Variants in SLC41A2 observed in about 807,000 individuals in gnomAD.
SLC41A2 encodes solute carrier family 41 member 2, also known as SLC41A1-like 1.
In SLC41A2, 32 loss-of-function variants were observed where a neutral mutation model predicts 58.3. The observed-to-expected ratio is 0.55, with a 90% CI of 0.41 to 0.74. The LOEUF (loss-of-function observed/expected upper bound fraction) is 0.74, where lower values mean the gene tolerates loss of function less well. Ranked by LOEUF, SLC41A2 falls within the 30% of genes least tolerant of loss-of-function variation. The probability of loss-of-function intolerance (pLI) is 0.00; values close to 1 mark genes in which losing one functional copy is unlikely to be tolerated. For synonymous variants in SLC41A2, 190 were observed against 235.0 expected, an observed-to-expected ratio of 0.81 and a Z score of 1.75; for missense variants, 514 against 680.6, an observed-to-expected ratio of 0.76 and a Z score of 2.72.
chr12:104,805,427 A>G, intron 10 of SLC41A2, 90 bp from the exon 11 acceptor site: 1 of 1,055,818 alleles, frequency 9.5e-7, no homozygotes. Flanking sequence ...GGCTTCTGGA[A>G]GGGACCGTAT....
At chr12:104,883,826 T>C (rs2044511974) in intron 6 of SLC41A2, among the ~76,000 whole-genome samples, 1 of 152,206 alleles carries the variant, frequency 6.6e-6, no homozygotes, top group African/African-American at 2.4e-5. Context: ...AGTCTGTCCG[T>C]TCTCAGATCT....
chr12:104,884,172 T>C (rs1449843025), intron 6 of SLC41A2, among the ~76,000 whole-genome samples: 5 of 152,226 alleles, frequency 3.3e-5, no homozygotes, highest in Non-Finnish European at 7.3e-5. Flanking sequence ...AATCTCCTGG[T>C]GTGCTGTTTG....
At chr12:104,952,545 C>G (rs770000390) in intron 1 of SLC41A2, among the ~76,000 whole-genome samples, 1 of 152,056 alleles carries the variant, frequency 6.6e-6, no homozygotes, top group Non-Finnish European at 1.5e-5. Context: ...TAATCAGGCC[C>G]CGATTAGAAC....
intron 2 of SLC41A2, among the ~76,000 whole-genome samples, chr12:104,914,550 T>A (rs1298555365): frequency 6.6e-6 from 1 of 152,218 alleles, no homozygotes; most frequent in Admixed American, 6.5e-5. Context: ...GAGCTAGTAG[T>A]CTACAGTGCA....
chr12:104,845,913 A>G lies in SLC41A2; in HGVS notation c.1317T>C (p.His439=), dbSNP rs1269045688. 1.2e-6 allele frequency: 2 copies of G among 1,613,976 alleles called. No individual in the cohort carries two copies. Among genetic ancestry groups the G allele is most frequent in the Admixed American group, 1.7e-5 (1 of 60,024 alleles). ...CATCAGGCAATTCTCCTGGAATGCTATGTAAATGGAGGTAGGTAGAAATCC... is the reference window on the plus strand; with the variant it reads ...CATCAGGCAATTCTCCTGGAATGCTGTGTAAATGGAGGTAGGTAGAAATCC... ...ASRISTYLHL[H]SIPGELPDEP... Residue 439 remains histidine, a synonymous_variant, in exon 9 of 11, where the codon CAT becomes CAC. Transcript: ENST00000258538.
intron 2 of SLC41A2, among the ~76,000 whole-genome samples, chr12:104,916,460 T>C (rs1358694221): frequency 6.6e-6 from 1 of 152,092 alleles, no homozygotes; most frequent in Non-Finnish European, 1.5e-5. Flanking sequence ...CTTCACAGAA[T>C]TGGAAAAAAC....
chr12:104,892,636 AC>A (rs2045067547), intron 4 of SLC41A2, among the ~76,000 whole-genome samples: 1 of 152,202 alleles, frequency 6.6e-6, no homozygotes, highest in Admixed American at 6.5e-5. Flanking sequence ...TAACCAAAAG[AC>A]AGTACTGGCA....
intron 6 of SLC41A2, among the ~76,000 whole-genome samples, chr12:104,870,992 A>G (rs1480854178): frequency 6.6e-6 from 1 of 152,174 alleles, no homozygotes; most frequent in Non-Finnish European, 1.5e-5. Flanking sequence ...ATAAATTTAG[A>G]TTCTACTCAC....
At chr12:104,810,470 A>AT (rs2041124754) in intron 10 of SLC41A2, among the ~76,000 whole-genome samples, 1 of 152,196 alleles carries the variant, frequency 6.6e-6, no homozygotes, top group Admixed American at 6.5e-5. Flanking sequence ...ACACAGATTT[A>AT]TATATTATAT....
intron 10 of SLC41A2, among the ~76,000 whole-genome samples, chr12:104,837,831 T>C (rs572558165): frequency 1.1e-4 from 16 of 152,188 alleles, no homozygotes; most frequent in Non-Finnish European, 2.2e-4. Flanking sequence ...AAGTACTTTA[T>C]ATATATTTTC....
At chr12:104,956,433 C>G (rs2136002256) in intron 1 of SLC41A2, among the ~76,000 whole-genome samples, 1 of 152,298 alleles carries the variant, frequency 6.6e-6, no homozygotes, top group Non-Finnish European at 1.5e-5. Flanking sequence ...AATCCCAGCA[C>G]TTTGGGAAGC....
chr12:104,884,842 G>C (rs1482289427), intron 6 of SLC41A2, among the ~76,000 whole-genome samples: 2 of 152,226 alleles, frequency 1.3e-5, no homozygotes, highest in Non-Finnish European at 2.9e-5. Flanking sequence ...GTCTGGCTGA[G>C]AGTGTGTGGG....
intron 8 of SLC41A2, among the ~76,000 whole-genome samples, chr12:104,846,710 GGCT>G (rs1430160183): frequency 6.6e-6 from 1 of 152,194 alleles, no homozygotes; most frequent in Non-Finnish European, 1.5e-5. Flanking sequence ...AAGCCTTCCA[GGCT>G]GCAGGCATAC....
At chr12:104,817,993 C>CA (rs1156819961) in intron 10 of SLC41A2, among the ~76,000 whole-genome samples, 2 of 151,954 alleles carry the variant, frequency 1.3e-5, no homozygotes, top group Admixed American at 6.6e-5. Context: ...GTTCTCATCA[C>CA]AAAAAAATGA....
chr12:104,940,182 T>G (rs1288526315), intron 1 of SLC41A2, among the ~76,000 whole-genome samples: 2 of 151,954 alleles, frequency 1.3e-5, no homozygotes, highest in African/African-American at 4.8e-5. Context: ...CCGGCTAATT[T>G]TGTATTTTTA....
chr12:104,880,503 T>A (rs2044308937), intron 6 of SLC41A2, among the ~76,000 whole-genome samples: 1 of 152,174 alleles, frequency 6.6e-6, no homozygotes, highest in Non-Finnish European at 1.5e-5. Flanking sequence ...AATACCTAGT[T>A]TATTGAGAGT....
At position 104,869,064 on chromosome 12, in the gene SLC41A2, A is replaced by G. The variant is rs147869402; in HGVS notation, c.1028-2485T>C. ...ACCAAGGATGGCGTGCAGTGGCATA[A>G]TCTTGGCTCAGTGCAGCCTCAAATC... is the stretch of plus-strand genomic sequence containing the variant. On this transcript the variant is annotated intron_variant, in intron 6 of 10. Coordinates refer to ENST00000258538, the MANE Select transcript of SLC41A2 (RefSeq NM_001352171.3). Among the ~76,000 whole-genome samples, 3 of 152,262 alleles carry G rather than the reference A, an allele frequency of 2.0e-5. No homozygotes were observed. In the East Asian group the frequency reaches 5.8e-4, roughly 29 times the overall value.
intron 6 of SLC41A2, among the ~76,000 whole-genome samples, chr12:104,885,290 C>T (rs2044600852): frequency 6.6e-6 from 1 of 152,178 alleles, no homozygotes; most frequent in Admixed American, 6.5e-5. Context: ...ATGCCACTCA[C>T]TAAATAACTT....
At chr12:104,947,616 C>T (rs1372706049) in intron 1 of SLC41A2, among the ~76,000 whole-genome samples, 1 of 151,506 alleles carries the variant, frequency 6.6e-6, no homozygotes, top group Non-Finnish European at 1.5e-5. Flanking sequence ...AATTAAATTG[C>T]CAGTATATTT....
Sources: gnomAD v4.1 joint callset for allele counts (sites outside exome capture counted in the v4.1 genomes callset) on GRCh38, gnomAD v4.1.1 for gene constraint, MANE v1.5 for transcripts, NCBI Gene and HGNC (gene_info 2026-07-23, HGNC 2026-07-21) for gene names.